CENPK: variants seen among roughly 807,000 people sequenced by gnomAD.
CENPK encodes centromere protein K, also known as SoxLZ/Sox6-binding protein Solt.
A neutral mutation model predicts 40.9 loss-of-function variants in CENPK; 46 were observed. The ratio of observed to expected loss-of-function variants is 1.13; its 90% CI spans 0.89 to 1.44. CENPK has a LOEUF of 1.44. CENPK is among the 40% of genes most tolerant of loss of function. The pLI is 0.00. For synonymous variants in CENPK, 107 were observed against 104.4 expected (o/e 1.02, Z -0.15); for missense variants, 288 against 303.5 (o/e 0.95, Z 0.38).
intron 5 of CENPK, among the ~76,000 whole-genome samples, chr5:65,548,412 ATGGCTGATGACTGATCAGGTTAG>A (rs1357394714): frequency 1.8e-4 from 28 of 152,268 alleles, no homozygotes; most frequent in East Asian, 7.7e-4. Context: ...CTCAGTGTTA[ATGGCTGATGACTGATCAGGTTAG>A]TGGCTACTGA....
chr5:65,498,214 T>C, the CENPK span, among the ~76,000 whole-genome samples: 2 of 152,050 alleles, frequency 1.3e-5, no homozygotes, highest in Non-Finnish European at 2.9e-5. Context: ...TTTTATATAT[T>C]ATATATCTCT....
At chr5:65,535,210 T>G (rs753110687) in intron 6 of CENPK, among the ~76,000 whole-genome samples, 1 of 151,256 alleles carries the variant, frequency 6.6e-6, no homozygotes, top group Non-Finnish European at 1.5e-5. Flanking sequence ...GCAGCCTGAG[T>G]GACAGAACAA....
chr5:65,562,789 T>C (rs897742613), intron 1 of CENPK: 1 of 152,676 alleles, frequency 6.5e-6, no homozygotes, highest in Non-Finnish European at 1.5e-5. Flanking sequence ...CCAGAAACAG[T>C]AACAAGCACT....
At chr5:65,541,416 G>A in intron 6 of CENPK, 1 of 456,288 alleles carries the variant, frequency 2.2e-6, no homozygotes, top group South Asian at 1.5e-5. Context: ...GTTTGTAGGA[G>A]AGAATCATCA....
chr5:65,528,924 T>C lies in CENPK; in HGVS notation c.465A>G (p.Glu155=). ...ELKNKVETFS[E]SRIFNELKTK... ...CTAGAACATAAAATTAATACCTTGATTCAGAAAATGTTTCAACCTTATTTT... is the reference window on the plus strand; with the variant it reads ...CTAGAACATAAAATTAATACCTTGACTCAGAAAATGTTTCAACCTTATTTT... Residue 155 remains glutamate (E), a synonymous_variant, in exon 8 of 11, where the codon GAA becomes GAG. Transcript: ENST00000396679. 6.6e-7 allele frequency: 1 copy of C among 1,519,484 alleles called. No homozygotes were observed. Among genetic ancestry groups the C allele is most frequent in the Non-Finnish European group, 9.0e-7 (1 of 1,107,884 alleles). The allele number at this position is 1,519,484 out of a possible 1,614,324, so 94.1% of individuals were successfully genotyped here.
chr5:65,536,400 G>A (rs1263229249), intron 6 of CENPK, among the ~76,000 whole-genome samples: 1 of 152,098 alleles, frequency 6.6e-6, no homozygotes, highest in Non-Finnish European at 1.5e-5. Context: ...GACTGCTTGA[G>A]ACCAGGAATT....
chr5:65,499,845 A>G, the CENPK span, among the ~76,000 whole-genome samples: 1 of 95,792 alleles, frequency 1.0e-5, no homozygotes, highest in Non-Finnish European at 2.1e-5. Context: ...CAGTCCCCAG[A>G]GTGTGATATT....
chr5:65,524,104 G>A (rs1404885512), intron 9 of CENPK, among the ~76,000 whole-genome samples: 2 of 152,070 alleles, frequency 1.3e-5, no homozygotes, highest in African/African-American at 2.4e-5. Context: ...GCCCGGGCAC[G>A]GTGGCTCATG....
At chr5:65,554,235 G>C (rs936042162) in intron 3 of CENPK, among the ~76,000 whole-genome samples, 2 of 151,430 alleles carry the variant, frequency 1.3e-5, no homozygotes, top group Admixed American at 1.3e-4. Flanking sequence ...TCCGCCTCCT[G>C]GGTTCAAGCA....
At chr5:65,553,155 T>C (rs1750386562) in intron 3 of CENPK, among the ~76,000 whole-genome samples, 1 of 152,132 alleles carries the variant, frequency 6.6e-6, no homozygotes, top group African/African-American at 2.4e-5. Context: ...ACATTAATAA[T>C]ATAAAGTACC....
At chr5:65,517,732 G>T (rs983520608), downstream of CENPK, 3 of 151,974 alleles carry the variant, frequency 2.0e-5, no homozygotes, top group Non-Finnish European at 4.4e-5. Context: ...AAAAACATTT[G>T]CTACTTATAA....
In CENPK at chr5:65,529,026, A is replaced by G. The variant is rs1368623018; in HGVS notation, c.372-9T>C. On this transcript the variant is annotated splice_polypyrimidine_tract_variant and intron_variant, in intron 7 of 10. Coordinates refer to ENST00000396679, the MANE Select transcript of CENPK (RefSeq NM_022145.5). ...CCAACCACCGTTGTTCCCTTTCGAC[A>G]TGGAAAAACAATACAAGCAATATCT... The G allele has an allele frequency of 1.3e-6, 2 of 1,591,932 alleles. No individual in the cohort carries two copies. Among genetic ancestry groups the G allele is most frequent in the Non-Finnish European group, 1.7e-6 (2 of 1,162,980 alleles).
chr5:65,507,033 G>A, the CENPK span, among the ~76,000 whole-genome samples: 1 of 152,108 alleles, frequency 6.6e-6, no homozygotes, highest in Non-Finnish European at 1.5e-5. Context: ...TTCCCAAGTA[G>A]GAAATCTCTA....
Position 65,521,430 on chromosome 5 carries a change from G to C in CENPK, c.651+45C>G, listed in dbSNP as rs761248516. 12 of 1,471,430 alleles carry C rather than the reference G, an allele frequency of 8.2e-6. No individual in the cohort carries two copies. The South Asian group carries it at 1.4e-4, about 17-fold the overall frequency. The allele number at this position is 1,471,430 out of a possible 1,614,324, so 91.1% of individuals were successfully genotyped here. On this transcript the variant is annotated intron_variant, in intron 10 of 10. Coordinates refer to ENST00000396679, the MANE Select transcript of CENPK (RefSeq NM_022145.5). ...AGTCTGAGTATAATTGTTCACAAATGACTAAGACAGCTTCAAGACAAAACA... is the reference window on the plus strand; with the variant it reads ...AGTCTGAGTATAATTGTTCACAAATCACTAAGACAGCTTCAAGACAAAACA...
At chr5:65,514,548 A>T (rs1225142240), downstream of CENPK, among the ~76,000 whole-genome samples, 6 of 152,128 alleles carry the variant, frequency 3.9e-5, no homozygotes, top group African/African-American at 1.4e-4. Context: ...TACAGGCGTG[A>T]GCCATCGTGC....
chr5:65,501,623 C>T, the CENPK span, among the ~76,000 whole-genome samples: 3 of 152,166 alleles, frequency 2.0e-5, no homozygotes, highest in Non-Finnish European at 2.9e-5. Context: ...TAGCAGGCCA[C>T]CTTTGACACA....
chr5:65,559,032 G>A (rs561013602), intron 2 of CENPK, among the ~76,000 whole-genome samples: 2 of 152,266 alleles, frequency 1.3e-5, no homozygotes, highest in South Asian at 2.1e-4. Flanking sequence ...CAATTTTAAG[G>A]AGGTAGACAG....
chr5:65,515,617 T>G (rs532416230), downstream of CENPK, among the ~76,000 whole-genome samples: 1 of 152,314 alleles, frequency 6.6e-6, no homozygotes, highest in Admixed American at 6.5e-5. Flanking sequence ...ACAAGTATTT[T>G]GGGATTTTCC....
intron 5 of CENPK, among the ~76,000 whole-genome samples, chr5:65,549,737 T>C (rs1749638092): frequency 1.3e-5 from 2 of 152,170 alleles, no homozygotes; most frequent in South Asian, 4.1e-4. Context: ...TCAGCCTTTG[T>C]AGAATTGAAA....
Sources: allele counts gnomAD v4.1 joint callset (sites outside exome capture counted in the v4.1 genomes callset), GRCh38; gene constraint gnomAD v4.1.1; transcripts MANE v1.5; gene names NCBI Gene and HGNC (gene_info 2026-07-23, HGNC 2026-07-21).